The following CSMD1 variants were observed in gnomAD, a reference collection of about 807,000 sequenced individuals.
CSMD1 encodes CUB and Sushi multiple domains 1, also known as CUB and sushi domain-containing protein 1.
A neutral mutation model predicts 417.5 loss-of-function variants in CSMD1; 213 were observed. That is an observed-to-expected ratio of 0.51 (90% CI 0.46 to 0.57). The LOEUF (loss-of-function observed/expected upper bound fraction) is 0.57, where lower values mean the gene tolerates loss of function less well. CSMD1 is among the 20% of genes least tolerant of loss of function. The pLI is 0.00. For synonymous variants in CSMD1, 2,862 were observed against 1,736.8 expected (o/e 1.65, Z -16.11); for missense variants, 6,923 against 4,529.7 (o/e 1.53, Z -15.17).
At chr8:3,761,027 G>C (rs1200680472) in intron 5 of CSMD1, among the ~76,000 whole-genome samples, 1 of 151,808 alleles carries the variant, frequency 6.6e-6, no homozygotes, top group East Asian at 1.9e-4. Context: ...CATTATCTCT[G>C]TTTTGTCAAA....
intron 10 of CSMD1, among the ~76,000 whole-genome samples, chr8:3,555,100 G>A (rs542526686): frequency 2.8e-4 from 42 of 152,160 alleles, no homozygotes; most frequent in African/African-American, 9.9e-4. Context: ...CGTAGGACCC[G>A]TGACAGGCAA....
At chr8:3,520,123 G>T (rs1414583667) in intron 10 of CSMD1, among the ~76,000 whole-genome samples, 1 of 151,502 alleles carries the variant, frequency 6.6e-6, no homozygotes, top group African/African-American at 2.4e-5. Context: ...TACAGGCACA[G>T]AGAAATAATT....
intron 12 of CSMD1, among the ~76,000 whole-genome samples, chr8:3,435,217 C>G (rs1380335288): frequency 2.0e-5 from 3 of 152,178 alleles, no homozygotes; most frequent in Non-Finnish European, 4.4e-5. Context: ...CCTCAGAGCA[C>G]AGAGCTCCCT....
At chr8:4,985,080 A>G (rs900447752) in intron 1 of CSMD1, among the ~76,000 whole-genome samples, 1 of 152,192 alleles carries the variant, frequency 6.6e-6, no homozygotes, top group Non-Finnish European at 1.5e-5. Context: ...GTGGAGCTGG[A>G]GGCCATTATC....
At chr8:4,087,446 G>A (rs1481245204) in intron 3 of CSMD1, among the ~76,000 whole-genome samples, 1 of 152,154 alleles carries the variant, frequency 6.6e-6, no homozygotes, top group Non-Finnish European at 1.5e-5. Flanking sequence ...AAATTAAGTA[G>A]AAACCACCCA....
intron 3 of CSMD1, among the ~76,000 whole-genome samples, chr8:4,312,813 G>T (rs113991788): frequency 0.012 from 1,822 of 152,224 alleles, 30 homozygotes; most frequent in African/African-American, 0.042. Context: ...GGTGGAGGTT[G>T]CAGTTAGCTG....
At chr8:3,530,446 A>G (rs1797930131) in intron 10 of CSMD1, among the ~76,000 whole-genome samples, 2 of 152,154 alleles carry the variant, frequency 1.3e-5, no homozygotes, top group Non-Finnish European at 2.9e-5. Context: ...TTTAACTTCC[A>G]CATATTTGTA....
chr8:3,793,641 T>C (rs752786969), intron 5 of CSMD1, among the ~76,000 whole-genome samples: 1 of 152,052 alleles, frequency 6.6e-6, no homozygotes, highest in Admixed American at 6.6e-5. Context: ...CTCACCTCAA[T>C]TGCTTGGATG....
At chr8:3,525,887 A>G (rs887102892) in intron 10 of CSMD1, among the ~76,000 whole-genome samples, 1 of 152,186 alleles carries the variant, frequency 6.6e-6, no homozygotes, top group Non-Finnish European at 1.5e-5. Context: ...CTTGATCTGT[A>G]TAAGACAGCC....
chr8:4,978,740 C>A (rs948117242), intron 1 of CSMD1, among the ~76,000 whole-genome samples: 2 of 152,118 alleles, frequency 1.3e-5, no homozygotes, highest in Non-Finnish European at 2.9e-5. Flanking sequence ...TAGTTCGAGA[C>A]CAGCCTGGCC....
At chr8:3,608,307 T>C (rs1323210967) in intron 8 of CSMD1, among the ~76,000 whole-genome samples, 1 of 152,062 alleles carries the variant, frequency 6.6e-6, no homozygotes, top group Admixed American at 6.5e-5. Flanking sequence ...CATGGAGCTC[T>C]TTATGGATAG....
At chr8:4,340,752 C>A (rs1172660571) in intron 3 of CSMD1, among the ~76,000 whole-genome samples, 2 of 152,034 alleles carry the variant, frequency 1.3e-5, no homozygotes, top group Non-Finnish European at 2.9e-5. Flanking sequence ...TTTCAGCAAA[C>A]TCTGCAAAAC....
At chr8:3,522,720 T>C (rs562375637) in intron 10 of CSMD1, among the ~76,000 whole-genome samples, 1 of 152,054 alleles carries the variant, frequency 6.6e-6, no homozygotes, top group Non-Finnish European at 1.5e-5. Context: ...ATACTGATTC[T>C]GCACCTTAAT....
chr8:4,329,867 CA>C, intron 3 of CSMD1, among the ~76,000 whole-genome samples: 1 of 151,706 alleles, frequency 6.6e-6, no homozygotes, highest in East Asian at 2.0e-4. Context: ...CACACACACA[CA>C]CACACAGACA....
At position 4,841,930 on chromosome 8, in the gene CSMD1, A is replaced by AAAAAAAAAAAAAAACAAAAC. The variant is rs1192383183; in HGVS notation, c.85+152401_85+152402insGTTTTGTTTTTTTTTTTTTT. Among the ~76,000 whole-genome samples the AAAAAAAAAAAAAAACAAAAC allele has an allele frequency of 3.3e-3, 410 of 122,390 alleles. 12 individuals carry two copies. Among genetic ancestry groups the AAAAAAAAAAAAAAACAAAAC allele is most frequent in the African/African-American group, 7.5e-3 (226 of 29,986 alleles). 80.3% of individuals were successfully genotyped at this position (122,390 alleles called of 152,430 possible). On this transcript the variant is annotated intron_variant, in intron 1 of 69. Transcript: ENST00000635120. ...CCGTCTCAAAAAAAAAAAAAAAAAA[A>AAAAAAAAAAAAAAACAAAAC]AAAAAAAAGTTCAGAACAATGGATA...
chr8:3,497,652 T>C (rs1337297725), intron 10 of CSMD1, among the ~76,000 whole-genome samples: 1 of 152,240 alleles, frequency 6.6e-6, no homozygotes, highest in Non-Finnish European at 1.5e-5. Context: ...GCATGGACTA[T>C]CTCTTGTAAT....
chr8:4,476,312 G>A (rs1018522380), intron 2 of CSMD1, among the ~76,000 whole-genome samples: 5 of 152,148 alleles, frequency 3.3e-5, no homozygotes, highest in East Asian at 1.9e-4. Flanking sequence ...ATTCTAACAC[G>A]AAATTTCACA....
intron 12 of CSMD1, among the ~76,000 whole-genome samples, chr8:3,448,758 G>A (rs139561747): frequency 1.3e-5 from 2 of 152,264 alleles, no homozygotes; most frequent in Non-Finnish European, 2.9e-5. Flanking sequence ...GCATTACAGA[G>A]AAAAGCTTTA....
intron 29 of CSMD1, among the ~76,000 whole-genome samples, chr8:3,217,520 C>T (rs746268825): frequency 1.6e-4 from 25 of 152,188 alleles, no homozygotes; most frequent in South Asian, 6.2e-4. Flanking sequence ...TGTTTACTTG[C>T]CTGCATGATT....
Sources: allele counts gnomAD v4.1 joint callset (sites outside exome capture counted in the v4.1 genomes callset), GRCh38; gene constraint gnomAD v4.1.1; transcripts MANE v1.5; gene names NCBI Gene and HGNC (gene_info 2026-07-23, HGNC 2026-07-21).